Variants in DSCAM observed in about 807,000 individuals in gnomAD.
The protein encoded by DSCAM is DS cell adhesion molecule, also known as cell adhesion molecule DSCAM.
In DSCAM, 47 loss-of-function variants were observed where a neutral mutation model predicts 217.7. The observed-to-expected ratio is 0.22, with a 90% CI of 0.17 to 0.28. DSCAM has a LOEUF of 0.28. Among genes scored for constraint, DSCAM ranks in the 10% least tolerant of loss-of-function variants. The pLI, the probability that DSCAM is intolerant of heterozygous loss-of-function variation, is 1.00. For missense variants in DSCAM, 2,080 were observed against 2,618.3 expected, an observed-to-expected ratio of 0.79 and a Z score of 4.49; for synonymous variants, 1,056 against 1,015.3, an observed-to-expected ratio of 1.04 and a Z score of -0.76.
rs185137221 is a variant in DSCAM, at chr21:40,095,068, C to T, written c.3697-1194G>A. 3.3e-5 allele frequency among the ~76,000 whole-genome samples: 5 copies of T among 152,302 alleles called. 1 individual carries two copies. Among genetic ancestry groups the T allele is most frequent in the Admixed American group, 3.3e-4 (5 of 15,302 alleles). On this transcript the variant is annotated intron_variant, in intron 20 of 32. Transcript: ENST00000400454. ...AATAAAAAGAGGTTTAATGGATTCA[C>T]AGTTCCACATGGCTGGGGAGGCCTC...
At chr21:40,828,830 A>G (rs1163513010) in intron 1 of DSCAM, among the ~76,000 whole-genome samples, 2 of 151,900 alleles carry the variant, frequency 1.3e-5, no homozygotes, top group Non-Finnish European at 2.9e-5. Context: ...TAATTTTTGT[A>G]GTTTTTTAGT....
intron 1 of DSCAM, among the ~76,000 whole-genome samples, chr21:40,784,644 C>G (rs181544568): frequency 2.0e-5 from 3 of 152,120 alleles, no homozygotes; most frequent in Admixed American, 1.3e-4. Context: ...AGAGATGGAG[C>G]CTTTGGGAGG....
intron 20 of DSCAM, among the ~76,000 whole-genome samples, chr21:40,107,922 T>G (rs1388126394): frequency 2.0e-5 from 3 of 152,144 alleles, no homozygotes; most frequent in Non-Finnish European, 4.4e-5. Flanking sequence ...TGTGATTATC[T>G]CAAATAGATG....
chr21:40,827,351 T>C (rs544074320), intron 1 of DSCAM, among the ~76,000 whole-genome samples: 1 of 151,200 alleles, frequency 6.6e-6, no homozygotes, highest in South Asian at 2.1e-4. Context: ...GCACCTGTAG[T>C]CCAGCTACTC....
intron 3 of DSCAM, among the ~76,000 whole-genome samples, chr21:40,540,396 C>T (rs1213077897): frequency 6.6e-6 from 1 of 152,148 alleles, no homozygotes; most frequent in Non-Finnish European, 1.5e-5. Context: ...TCACACACAG[C>T]GTAATCTCTC....
At chr21:40,018,060 C>T (rs1427030504) in intron 32 of DSCAM, among the ~76,000 whole-genome samples, 6 of 151,996 alleles carry the variant, frequency 3.9e-5, no homozygotes, top group Admixed American at 3.3e-4. Context: ...CTTTATGAAA[C>T]TTGATGGCAT....
At chr21:40,454,628 T>C (rs2075748576) in intron 3 of DSCAM, among the ~76,000 whole-genome samples, 1 of 152,168 alleles carries the variant, frequency 6.6e-6, no homozygotes, top group Admixed American at 6.5e-5. Context: ...AAAAACTAAG[T>C]GATTTCCGTA....
Position 40,016,731 on chromosome 21 carries a change from G to C in DSCAM, c.5687-3345C>G, listed in dbSNP as rs1328373547. On this transcript the variant is annotated intron_variant, in intron 32 of 32. Coordinates refer to ENST00000400454, the MANE Select transcript of DSCAM (RefSeq NM_001389.5). The surrounding 1 kb of genome is among the most constrained non-coding windows in gnomAD (Gnocchi z 4.3). ...CTGCTCTGCTAGCGGGGCAATGAAA[G>C]TGATATGTGTTTAGACAGTGTTTAA... Among the ~76,000 whole-genome samples, 3 of 152,224 alleles carry C rather than the reference G, an allele frequency of 2.0e-5. No individual in the cohort carries two copies. The highest frequency in any genetic ancestry group is 4.4e-5 in the Non-Finnish European group (3 of 68,050).
intron 3 of DSCAM, among the ~76,000 whole-genome samples, chr21:40,490,699 T>A (rs545050189): frequency 8.8e-4 from 134 of 152,314 alleles, no homozygotes; most frequent in African/African-American, 3.0e-3. Flanking sequence ...GGACCAATTG[T>A]TAATGTGCTT....
chr21:40,814,675 G>A (rs1382033217), intron 1 of DSCAM, among the ~76,000 whole-genome samples: 2 of 152,150 alleles, frequency 1.3e-5, no homozygotes, highest in African/African-American at 2.4e-5. Context: ...AATGGAAAAC[G>A]AAGATGAGAC....
At chr21:40,776,327 A>G (rs1328728104) in intron 1 of DSCAM, among the ~76,000 whole-genome samples, 2 of 152,120 alleles carry the variant, frequency 1.3e-5, no homozygotes, top group African/African-American at 2.4e-5. Context: ...AACATTCAAG[A>G]TTATGGTGTT....
intron 8 of DSCAM, among the ~76,000 whole-genome samples, chr21:40,335,975 T>C (rs1234986398): frequency 6.6e-6 from 1 of 152,210 alleles, no homozygotes; most frequent in African/African-American, 2.4e-5. Context: ...TACTGTGAGT[T>C]GGTTTTTTAA....
chr21:40,828,164 A>T (rs2091984614), intron 1 of DSCAM, among the ~76,000 whole-genome samples: 1 of 152,158 alleles, frequency 6.6e-6, no homozygotes, highest in Non-Finnish European at 1.5e-5. Context: ...GCACTTTGGG[A>T]GGCTGAGGCG....
At chr21:40,658,652 C>T (rs535804983) in intron 3 of DSCAM, among the ~76,000 whole-genome samples, 2 of 152,202 alleles carry the variant, frequency 1.3e-5, no homozygotes, top group Non-Finnish European at 2.9e-5. Flanking sequence ...AAGAAGACTA[C>T]GGTCCCCTTG....
At chr21:40,434,333 C>T (rs2075564082) in intron 3 of DSCAM, among the ~76,000 whole-genome samples, 1 of 152,174 alleles carries the variant, frequency 6.6e-6, no homozygotes. Context: ...CCAACAACGG[C>T]GTCAAACATC....
intron 4 of DSCAM, among the ~76,000 whole-genome samples, chr21:40,359,377 G>A (rs2074732701): frequency 1.3e-5 from 2 of 152,128 alleles, no homozygotes; most frequent in Non-Finnish European, 2.9e-5. Flanking sequence ...TTCCCCAGGT[G>A]TATTGTGGTA....
chr21:40,754,741 C>G (rs2091259655), intron 1 of DSCAM, among the ~76,000 whole-genome samples: 1 of 152,182 alleles, frequency 6.6e-6, no homozygotes, highest in Non-Finnish European at 1.5e-5. Flanking sequence ...CAGGCAGGCA[C>G]CAACAGCACC....
chr21:40,277,095 GCT>G (rs1262447768), intron 10 of DSCAM, among the ~76,000 whole-genome samples: 2 of 152,106 alleles, frequency 1.3e-5, no homozygotes, highest in Admixed American at 1.3e-4. Flanking sequence ...AGTTGGGTGG[GCT>G]GGGAGAATGG....
Position 40,739,526 on chromosome 21 carries a change from C to T in DSCAM, c.44-30755G>A, listed in dbSNP as rs151265252. 6.9e-3 allele frequency among the ~76,000 whole-genome samples: 1,057 copies of T among 152,320 alleles called. 15 individuals are homozygous for T. Among genetic ancestry groups the T allele is most frequent in the African/African-American group, 0.024 (1,008 of 41,574 alleles). ...CTTTCCTGTGTCTTCACAGGGCTAT[C>T]CCTCTGTGTGAGTCTTTGTCCTAAT... On this transcript the variant is annotated intron_variant, in intron 1 of 32. Transcript: ENST00000400454.
Sources: gnomAD v4.1 joint callset for allele counts (sites outside exome capture counted in the v4.1 genomes callset) on GRCh38, gnomAD v4.1.1 for gene constraint, Gnocchi (gnomAD v3.1) non-coding constraint, MANE v1.5 for transcripts, NCBI Gene and HGNC (gene_info 2026-07-23, HGNC 2026-07-21) for gene names.